EXTL3: variants seen among roughly 807,000 people sequenced by gnomAD.
EXTL3 encodes the protein exostosin like glycosyltransferase 3, also known as exostosin-like 3.
A neutral mutation model predicts 69.3 loss-of-function variants in EXTL3; 27 were observed. The ratio of observed to expected loss-of-function variants is 0.39; its 90% CI spans 0.29 to 0.54. EXTL3 has a LOEUF of 0.54. Among genes scored for constraint, EXTL3 ranks in the 20% least tolerant of loss-of-function variants. The probability of loss-of-function intolerance (pLI) is 0.69; values close to 1 mark genes in which losing one functional copy is unlikely to be tolerated. For missense variants in EXTL3, 1,003 were observed against 1,231.8 expected, an observed-to-expected ratio of 0.81 and a Z score of 2.78; for synonymous variants, 511 against 499.4, an observed-to-expected ratio of 1.02 and a Z score of -0.31.
intron 1 of EXTL3, among the ~76,000 whole-genome samples, chr8:28,680,514 A>G (rs899248543): frequency 6.6e-6 from 1 of 152,170 alleles, no homozygotes; most frequent in Non-Finnish European, 1.5e-5. Flanking sequence ...TTATGTACAC[A>G]TTGTAAAATG....
At chr8:28,701,345 C>CCCCGCGCCCCTGA (rs1308067686), upstream of EXTL3, 2 of 151,992 alleles carry the variant, frequency 1.3e-5, no homozygotes, top group African/African-American at 4.8e-5. Flanking sequence ...CGGCGCCCGG[C>CCCCGCGCCCCTGA]CCCGCGCCCC....
intron 1 of EXTL3, among the ~76,000 whole-genome samples, chr8:28,649,847 A>G (rs1806888908): frequency 7.2e-6 from 1 of 139,858 alleles, no homozygotes; most frequent in African/African-American, 2.6e-5. Context: ...TAAATTCTAT[A>G]AAGTTTTGAT....
At chr8:28,656,566 G>C (rs1423371539) in intron 1 of EXTL3, among the ~76,000 whole-genome samples, 3 of 152,134 alleles carry the variant, frequency 2.0e-5, no homozygotes, top group Non-Finnish European at 4.4e-5. Context: ...AAAGGGGGAA[G>C]TTTTTTGCTA....
chr8:28,751,019 C>T lies in EXTL3; in HGVS notation c.*153C>T. ...CAGGAGGAGTGGAAGGAAACCGCTG[C>T]CTTTATCTTGAAGTCAGCCACACTG... On this transcript the variant is annotated 3_prime_UTR_variant, in exon 7 of 7. Transcript: ENST00000220562. 1.5e-6 allele frequency: 1 copy of T among 679,014 alleles called. No individual in the cohort carries two copies. The highest frequency in any genetic ancestry group is 2.5e-6 in the Non-Finnish European group (1 of 397,228). The allele number at this position is 679,014 out of a possible 1,614,324, so 42.1% of individuals were successfully genotyped here. A position where few individuals can be genotyped will look rare whatever the true frequency, so the allele number is the denominator to read the frequency against.
intron 1 of EXTL3, among the ~76,000 whole-genome samples, chr8:28,643,957 G>T (rs1806787494): frequency 1.3e-5 from 2 of 152,084 alleles, no homozygotes; most frequent in Admixed American, 1.3e-4. Context: ...TAGAGATAGG[G>T]TCTCACTCTG....
intron 1 of EXTL3, among the ~76,000 whole-genome samples, chr8:28,633,239 G>A (rs1806598575): frequency 1.3e-5 from 2 of 152,162 alleles, no homozygotes; most frequent in Admixed American, 1.3e-4. Context: ...TCAGGAGGCT[G>A]AGGCGGGAGG....
intron 2 of EXTL3, among the ~76,000 whole-genome samples, chr8:28,612,286 T>A (rs1442653507): frequency 6.6e-6 from 1 of 151,982 alleles, no homozygotes; most frequent in African/African-American, 2.4e-5. Flanking sequence ...AAACCCTGTC[T>A]CTATTAAAAA....
intron 1 of EXTL3, among the ~76,000 whole-genome samples, chr8:28,661,187 A>G (rs959272926): frequency 1.3e-5 from 2 of 151,962 alleles, no homozygotes; most frequent in Admixed American, 1.3e-4. Flanking sequence ...TGCTGGGATT[A>G]CAGGTGTGAT....
intron 3 of EXTL3, among the ~76,000 whole-genome samples, chr8:28,720,511 C>A (rs919792681): frequency 6.6e-6 from 1 of 152,066 alleles, no homozygotes; most frequent in Admixed American, 6.5e-5. Context: ...CTTAGGGGTG[C>A]CCCATAGGAC....
In EXTL3 at chr8:28,716,113, C is replaced by G; in HGVS notation, c.54C>G (p.Thr18=). The G allele has an allele frequency of 6.2e-7, 1 of 1,613,438 alleles. No individual in the cohort carries two copies. The highest frequency in any genetic ancestry group is 8.5e-7 in the Non-Finnish European group (1 of 1,180,034). Residue 18 remains threonine (T), a synonymous_variant, in exon 3 of 7, where the codon ACC becomes ACG. Coordinates refer to ENST00000220562, the MANE Select transcript of EXTL3 (RefSeq NM_001440.4). This position sits in a 1 kb window ranked among gnomAD's most constrained non-coding sequence, Gnocchi z 7.1. ...RNGGAGNGGQ[T]CMLRWSNRIR... is the part of the protein sequence containing the mutation. ...GGGGCGCGGGGAACGGAGGTCAGAC[C>G]TGCATGCTGCGCTGGTCCAACCGCA...
chr8:28,698,085 T>G (rs558114559), upstream of EXTL3: 2 of 152,190 alleles, frequency 1.3e-5, no homozygotes, highest in South Asian at 4.2e-4. Context: ...AGAGGAGTTA[T>G]GGGGATTTGG....
upstream of EXTL3, among the ~76,000 whole-genome samples, chr8:28,618,867 G>A (rs1806362832): frequency 6.6e-6 from 1 of 151,588 alleles, no homozygotes; most frequent in Non-Finnish European, 1.5e-5. Context: ...GGTGGATCAC[G>A]AGGTCAGGAG....
intron 5 of EXTL3, chr8:28,741,853 CTG>C (rs1016658105): frequency 2.6e-5 from 4 of 152,138 alleles, no homozygotes; most frequent in Admixed American, 6.5e-5. Flanking sequence ...CACATTTATT[CTG>C]TGTTACAAAA....
intron 1 of EXTL3, among the ~76,000 whole-genome samples, chr8:28,695,236 T>G (rs1381653151): frequency 6.6e-6 from 1 of 151,484 alleles, no homozygotes; most frequent in African/African-American, 2.4e-5. Flanking sequence ...TTCAAGTGAT[T>G]CTCTGCCTCA....
At chr8:28,677,628 A>G (rs1489392829) in intron 1 of EXTL3, among the ~76,000 whole-genome samples, 2 of 152,258 alleles carry the variant, frequency 1.3e-5, no homozygotes, top group Non-Finnish European at 2.9e-5. Context: ...ATCATTGTGA[A>G]GCACAAAGAC....
At chr8:28,644,821 A>C (rs1406310054) in intron 1 of EXTL3, among the ~76,000 whole-genome samples, 1 of 152,074 alleles carries the variant, frequency 6.6e-6, no homozygotes, top group African/African-American at 2.4e-5. Context: ...GAATCTTTTC[A>C]TTTATTATAA....
chr8:28,691,717 G>A (rs1800619592), intron 1 of EXTL3, among the ~76,000 whole-genome samples: 2 of 151,878 alleles, frequency 1.3e-5, no homozygotes, highest in South Asian at 2.1e-4. Context: ...GACCAACATG[G>A]AGAAGCCCCA....
intron 6 of EXTL3, among the ~76,000 whole-genome samples, chr8:28,745,932 T>C (rs915847891): frequency 1.3e-5 from 2 of 152,212 alleles, no homozygotes; most frequent in Non-Finnish European, 2.9e-5. Context: ...GAATTCAAGA[T>C]TGGGATGACT....
intron 1 of EXTL3, among the ~76,000 whole-genome samples, chr8:28,638,433 G>A (rs979447214): frequency 2.4e-4 from 36 of 152,168 alleles, no homozygotes; most frequent in Admixed American, 2.2e-3. Context: ...AAGTAAGGTC[G>A]TCATGCTCAG....
Sources: gnomAD v4.1 joint callset for allele counts (sites outside exome capture counted in the v4.1 genomes callset) on GRCh38, gnomAD v4.1.1 for gene constraint, Gnocchi (gnomAD v3.1) non-coding constraint, MANE v1.5 for transcripts, NCBI Gene and HGNC (gene_info 2026-07-23, HGNC 2026-07-21) for gene names.